ZNF365: variants seen among roughly 807,000 people sequenced by gnomAD.
The protein encoded by ZNF365 is zinc finger protein 365, also known as protein ZNF365.
In ZNF365, 22 loss-of-function variants were observed where a neutral mutation model predicts 35.0. That is an observed-to-expected ratio of 0.63 (90% CI 0.45 to 0.90). The LOEUF (loss-of-function observed/expected upper bound fraction) is 0.90, where lower values mean the gene tolerates loss of function less well. Ranked by LOEUF, ZNF365 falls within the 40% of genes least tolerant of loss-of-function variation. ZNF365 has a pLI of 0.00. For synonymous variants in ZNF365, 188 were observed against 196.2 expected, an observed-to-expected ratio of 0.96 and a Z score of 0.35; for missense variants, 448 against 500.3, an observed-to-expected ratio of 0.90 and a Z score of 1.00.
At chr10:62,475,395 T>C (rs1346862359) in intron 4 of ZNF365, among the ~76,000 whole-genome samples, 4 of 152,110 alleles carry the variant, frequency 2.6e-5, no homozygotes, top group Admixed American at 6.5e-5. Context: ...AAATGAACAC[T>C]GCATTGGGCA....
At position 62,399,845 on chromosome 10, in the gene ZNF365, G is replaced by T. The variant is rs2132429451; in HGVS notation, c.*56G>T. On this transcript the variant is annotated 3_prime_UTR_variant, in exon 5 of 5. Coordinates refer to ENST00000395254, the MANE Select transcript of ZNF365 (RefSeq NM_014951.3). ...TGGGCTTTGGGGAACGTTGTTCCAGGAGCCAACAGTAATGTCTTTCTGGAA... is the reference window on the plus strand; with the variant it reads ...TGGGCTTTGGGGAACGTTGTTCCAGTAGCCAACAGTAATGTCTTTCTGGAA... 6.5e-7 allele frequency: 1 copy of T among 1,542,668 alleles called. No homozygotes were observed. Among genetic ancestry groups the T allele is most frequent in the East Asian group, 2.3e-5 (1 of 43,420 alleles).
rs1237899292 is a variant in ZNF365, at chr10:62,444,377, TGTCTCTAGAA to T, written c.925-15361_925-15352del. Among the ~76,000 whole-genome samples, 3 of 152,294 alleles carry T rather than the reference TGTCTCTAGAA, an allele frequency of 2.0e-5. No individual in the cohort carries two copies. The East Asian group carries it at 5.8e-4, about 29-fold the overall frequency. On this transcript the variant is annotated intron_variant, in intron 3 of 4. Transcript: ENST00000395255. ...TTCTGAGCCCTCTGCTTCTGTAGTA[TGTCTCTAGAA>T]GTAGCTGCGCTCAATTACTTCAAAT... is the stretch of plus-strand genomic sequence containing the variant.
exon 5 of ZNF365, chr10:62,479,940 A>G (rs765128851): frequency 4.7e-5 from 75 of 1,610,836 alleles, no homozygotes; most frequent in Middle Eastern, 1.6e-4. Flanking sequence ...TTGGATCAAG[A>G]GAATCGCAAA....
intron 4 of ZNF365, among the ~76,000 whole-genome samples, chr10:62,474,880 A>T (rs984679527): frequency 2.0e-5 from 3 of 152,220 alleles, no homozygotes; most frequent in African/African-American, 7.2e-5. Flanking sequence ...TGTTTCTGAC[A>T]TGCTTAATTT....
intron 4 of ZNF365, among the ~76,000 whole-genome samples, chr10:62,469,134 C>A (rs1840991966): frequency 6.6e-6 from 1 of 152,222 alleles, no homozygotes; most frequent in South Asian, 2.1e-4. Context: ...TTGCTGTTGA[C>A]TTTTGGGAGA....
At position 62,413,555 on chromosome 10, in the gene ZNF365, T is replaced by G. The variant is rs1840022754; in HGVS notation, c.924+24979T>G. Among the ~76,000 whole-genome samples, 3 of 152,114 alleles carry G rather than the reference T, an allele frequency of 2.0e-5. No individual in the cohort carries two copies. In the South Asian group the frequency reaches 6.2e-4, roughly 32 times the overall value. ...CTTTTGACCCTCTGTCTTAAGGCAA[T>G]TCACAACTGTCTGCCAGAGTGGTCA... On this transcript the variant is annotated intron_variant, in intron 3 of 4. Coordinates refer to the ZNF365 transcript ENST00000395255.
intron 2 of ZNF365, 46 bp from the exon 3 acceptor site, chr10:62,388,350 C>T: frequency 1.9e-6 from 3 of 1,610,424 alleles, no homozygotes; most frequent in South Asian, 1.1e-5. Context: ...GAGTGAATTC[C>T]TTGCCTTATA....
intron 3 of ZNF365, among the ~76,000 whole-genome samples, chr10:62,455,037 G>T (rs74158915): frequency 0.011 from 1,640 of 152,282 alleles, 29 homozygotes; most frequent in African/African-American, 0.037. Context: ...TACATTTGGT[G>T]GGGGGTTAAA....
At chr10:62,421,927 T>C (rs1367817510) in intron 3 of ZNF365, among the ~76,000 whole-genome samples, 1 of 152,220 alleles carries the variant, frequency 6.6e-6, no homozygotes, top group Non-Finnish European at 1.5e-5. Flanking sequence ...GGATAATGTT[T>C]TACCACTGTA....
At chr10:62,479,628 A>G (rs1355331483) in intron 4 of ZNF365, among the ~76,000 whole-genome samples, 1 of 152,184 alleles carries the variant, frequency 6.6e-6, no homozygotes, top group Non-Finnish European at 1.5e-5. Context: ...CAGGATGTAT[A>G]ATTCCTTACC....
At position 62,401,771 on chromosome 10, in the gene ZNF365, A is replaced by G. The variant is rs1477529682; in HGVS notation, c.*1982A>G. ...ACTTGTTTCTGTTTTATTTAAAGTA[A>G]CTGACATTTTGGATTTTCATCTAAC... On this transcript the variant is annotated 3_prime_UTR_variant, in exon 5 of 5. Transcript: ENST00000395254. The G allele has an allele frequency of 2.0e-6, 2 of 985,416 alleles. No individual in the cohort carries two copies. Among genetic ancestry groups the G allele is most frequent in the African/African-American group, 1.7e-5 (1 of 57,244 alleles). 61.0% of individuals were successfully genotyped at this position (985,416 alleles called of 1,614,324 possible). A position where few individuals can be genotyped will look rare whatever the true frequency, so the allele number is the denominator to read the frequency against.
At chr10:62,392,715 C>A (rs1404837660) in intron 3 of ZNF365, among the ~76,000 whole-genome samples, 1 of 152,152 alleles carries the variant, frequency 6.6e-6, no homozygotes, top group Non-Finnish European at 1.5e-5. Flanking sequence ...ACTGCAACCT[C>A]CACCTCTCGG....
intron 3 of ZNF365, among the ~76,000 whole-genome samples, chr10:62,410,101 CTTA>C (rs1173990754): frequency 2.0e-5 from 3 of 152,092 alleles, no homozygotes; most frequent in Non-Finnish European, 2.9e-5. Context: ...CTGAAATTAT[CTTA>C]TTTATTGGTT....
chr10:62,453,288 C>CTCTCACCCTT (rs1840712251), intron 3 of ZNF365, among the ~76,000 whole-genome samples: 1 of 152,170 alleles, frequency 6.6e-6, no homozygotes, highest in African/African-American at 2.4e-5. Context: ...CCCTTTCACT[C>CTCTCACCCTT]TCTCACCCTT....
At chr10:62,478,601 T>A (rs1174710089) in intron 4 of ZNF365, among the ~76,000 whole-genome samples, 1 of 152,118 alleles carries the variant, frequency 6.6e-6, no homozygotes, top group Non-Finnish European at 1.5e-5. Flanking sequence ...TGAGACGGAG[T>A]CTCGCTCTGT....
intron 3 of ZNF365, among the ~76,000 whole-genome samples, chr10:62,439,311 T>A (rs991079777): frequency 1.3e-5 from 2 of 152,080 alleles, no homozygotes; most frequent in Non-Finnish European, 2.9e-5. Flanking sequence ...TTGTGTTTAT[T>A]CCAGAAGCAC....
rs138070296 is a variant in ZNF365, at chr10:62,382,377, T to C, written c.743+5441T>C. ...TGGTTCGTGCATATAAATGGGGTCC[T>C]CTCTTTTCAGGATGTGTTCCTTGCA... is the stretch of plus-strand genomic sequence containing the variant. On this transcript the variant is annotated intron_variant, in intron 2 of 4. Coordinates refer to ENST00000395254, the MANE Select transcript of ZNF365 (RefSeq NM_014951.3). 6.2e-4 allele frequency among the ~76,000 whole-genome samples: 94 copies of C among 152,302 alleles called. No individual in the cohort carries two copies. The East Asian group carries it at 0.017, about 28-fold the overall frequency.
chr10:62,412,692 G>A (rs1476264552), intron 3 of ZNF365, among the ~76,000 whole-genome samples: 2 of 151,924 alleles, frequency 1.3e-5, no homozygotes, highest in African/African-American at 4.8e-5. Flanking sequence ...GCTACAACAA[G>A]AATAGGAATA....
rs532520315 is a variant in ZNF365 at position 62,476,454 on chromosome 10, T to A, written c.982-3422T>A. Among the ~76,000 whole-genome samples, 6 of 152,322 alleles carry A rather than the reference T, an allele frequency of 3.9e-5. 1 individual carries two copies. The South Asian group carries it at 1.2e-3, about 32-fold the overall frequency. Reference sequence around the variant, plus strand: ...TGGGATAGCAGCCAACAATTAGATATTTTGGAGGGATGAGAAACTTTCATG... The same window carrying A: ...TGGGATAGCAGCCAACAATTAGATAATTTGGAGGGATGAGAAACTTTCATG... On this transcript the variant is annotated intron_variant, in intron 4 of 4. Coordinates refer to the ZNF365 transcript ENST00000395255.
Sources: gnomAD v4.1 joint callset for allele counts (sites outside exome capture counted in the v4.1 genomes callset) on GRCh38, gnomAD v4.1.1 for gene constraint, MANE v1.5 for transcripts, NCBI Gene and HGNC (gene_info 2026-07-23, HGNC 2026-07-21) for gene names.